The following RASAL1 variants were observed in gnomAD, a reference collection of about 807,000 sequenced individuals.
RASAL1 encodes the protein rasGAP-activating-like protein 1.
RASAL1 carries 72 observed loss-of-function variants against 96.6 expected under a neutral mutation model. That is an observed-to-expected ratio of 0.75 (90% CI 0.62 to 0.91). The LOEUF is 0.91. Among genes scored for constraint, RASAL1 ranks in the 40% least tolerant of loss-of-function variants. RASAL1 has a pLI of 0.00. For synonymous variants in RASAL1, 405 were observed against 430.4 expected, an observed-to-expected ratio of 0.94 and a Z score of 0.73; for missense variants, 1,016 against 1,072.5, an observed-to-expected ratio of 0.95 and a Z score of 0.74.
rs1951024854 is a variant in RASAL1, at chr12:113,115,064, CG to C, written c.1068+135del. ...ATCCAGGTGCAACTCAGGGCAAGGC[CG>C]GGCACCAGCCGCCAGCACTGCAGCT... On this transcript the variant is annotated intron_variant, in intron 11 of 20. Coordinates refer to ENST00000548055, the MANE Select transcript of RASAL1 (RefSeq NM_001301202.2). The surrounding 1 kb of genome is among the most constrained non-coding windows in gnomAD (Gnocchi z 4.1). 1.8e-6 allele frequency: 2 copies of C among 1,137,326 alleles called. No individual in the cohort carries two copies. Among genetic ancestry groups the C allele is most frequent in the Non-Finnish European group, 2.6e-6 (2 of 758,426 alleles). 70.5% of individuals were successfully genotyped at this position (1,137,326 alleles called of 1,614,324 possible). A position where few individuals can be genotyped will look rare whatever the true frequency, so the allele number is the denominator to read the frequency against.
chr12:113,113,995 G>T (rs1950966521), intron 12 of RASAL1, among the ~76,000 whole-genome samples: 1 of 152,180 alleles, frequency 6.6e-6, no homozygotes. Context: ...AGCCCCAGCA[G>T]CACAGTAATA....
Position 113,121,460 on chromosome 12 carries a change from C to G in RASAL1, c.428+49G>C, listed in dbSNP as rs1164421453. ...GGCAGCAGGGGAGACCCAGGGGACTCCTGCTCATTCTCAGACCACCCTCCA... is the reference window on the plus strand; with the variant it reads ...GGCAGCAGGGGAGACCCAGGGGACTGCTGCTCATTCTCAGACCACCCTCCA... On this transcript the variant is annotated intron_variant, in intron 5 of 20. Transcript: ENST00000548055. 1.9e-6 allele frequency: 3 copies of G among 1,609,488 alleles called. No homozygotes were observed. In the Admixed American group the frequency reaches 5.0e-5, roughly 27 times the overall value.
At chr12:113,114,759 A>C (rs2136175393) in intron 12 of RASAL1, 41 bp downstream of exon 12, 1 of 1,555,994 alleles carries the variant, frequency 6.4e-7, no homozygotes, top group African/African-American at 1.4e-5. Context: ...GGGTAGCCAA[A>C]GGGGCCCGTC....
At chr12:113,113,338 G>A (rs1333166913) in intron 12 of RASAL1, among the ~76,000 whole-genome samples, 9 of 152,272 alleles carry the variant, frequency 5.9e-5, no homozygotes, top group African/African-American at 1.9e-4. Flanking sequence ...AGAAAACTGA[G>A]GCTCAGAGAG....
intron 8 of RASAL1, among the ~76,000 whole-genome samples, chr12:113,116,864 T>A (rs1951106147): frequency 6.6e-6 from 1 of 152,212 alleles, no homozygotes. Context: ...ACCAACATGT[T>A]TGCACATGAA....
chr12:113,130,829 C>T lies in RASAL1; in HGVS notation c.122+56G>A, dbSNP rs1951677119. 2 of 1,436,626 alleles carry T rather than the reference C, an allele frequency of 1.4e-6. No individual in the cohort carries two copies. Among genetic ancestry groups the T allele is most frequent in the Admixed American group, 3.7e-5 (2 of 54,404 alleles). 89.0% of individuals were successfully genotyped at this position (1,436,626 alleles called of 1,614,324 possible). On this transcript the variant is annotated intron_variant, in intron 2 of 20. Transcript: ENST00000548055. This position sits in a 1 kb window ranked among gnomAD's most constrained non-coding sequence, Gnocchi z 5.1. The stretch of plus-strand genomic sequence containing the variant: ...TGTGAATTCTTGGTCCCAGATTCCC[C>T]AGGTCTAGAAAGAGACCCCTCCCTT...
chr12:113,101,881 G>T lies in RASAL1; in HGVS notation c.2225+8C>A, dbSNP rs761884040. On this transcript the variant is annotated splice_region_variant and intron_variant, in intron 19 of 20. Coordinates refer to ENST00000548055, the MANE Select transcript of RASAL1 (RefSeq NM_001301202.2). ...AGGAGGTGAAGTGGGATGGGTGGGG[G>T]CACCCACCTGAGCTGGTCCCGCCCC... 6 of 1,611,446 alleles carry T rather than the reference G, an allele frequency of 3.7e-6. No homozygotes were observed. In the South Asian group the frequency reaches 6.6e-5, roughly 18 times the overall value.
Position 113,101,902 on chromosome 12 carries a change from G to A in RASAL1, c.2212C>T (p.Arg738Trp), listed in dbSNP as rs751341735. 91 of 1,613,566 alleles carry A rather than the reference G, an allele frequency of 5.6e-5. No homozygotes were observed. The highest frequency in any genetic ancestry group is 5.0e-4 in the Middle Eastern group (3 of 6,018). Residue 738 changes from arginine to tryptophan, a missense_variant, in exon 19 of 21, where the codon CGG becomes TGG. Coordinates refer to ENST00000548055, the MANE Select transcript of RASAL1 (RefSeq NM_001301202.2). ...QTVYRQLLLG[R>W]DQLRLKLLED... ...GGGGGCACCCACCTGAGCTGGTCCC[G>A]CCCCAGGAGCAGCTGCCGATACACT...
intron 4 of RASAL1, among the ~76,000 whole-genome samples, chr12:113,124,247 CA>C (rs1422850964): frequency 6.8e-6 from 1 of 147,676 alleles, no homozygotes; most frequent in African/African-American, 2.5e-5. Context: ...AAAGTTACCA[CA>C]AGTCCAACAA....
chr12:113,124,397 C>T (rs1029887893), intron 4 of RASAL1, among the ~76,000 whole-genome samples: 10 of 152,164 alleles, frequency 6.6e-5, no homozygotes, highest in African/African-American at 1.4e-4. Context: ...TCCACATTTC[C>T]GCCACATGCT....
chr12:113,112,283 AG>A lies in RASAL1; in HGVS notation c.1182-6del. The stretch of plus-strand genomic sequence containing the variant: ...GCGCCTTTGAAGGAGATCCTCCTGG[AG>A]GGGCCGGCGGAGCAGCTCAGCCTCG... On this transcript the variant is annotated splice_region_variant and splice_polypyrimidine_tract_variant and intron_variant, in intron 12 of 20. Coordinates refer to ENST00000548055, the MANE Select transcript of RASAL1 (RefSeq NM_001301202.2). The A allele has an allele frequency of 8.0e-7, 1 of 1,255,626 alleles. No homozygotes were observed. The highest frequency in any genetic ancestry group is 1.0e-6 in the Non-Finnish European group (1 of 991,800). The allele number at this position is 1,255,626 out of a possible 1,614,324, so 77.8% of individuals were successfully genotyped here.
chr12:113,133,956 A>C (rs1043964184), intron 1 of RASAL1, among the ~76,000 whole-genome samples: 7 of 152,210 alleles, frequency 4.6e-5, no homozygotes, highest in African/African-American at 1.7e-4. Flanking sequence ...GGTGACACCC[A>C]TCGCCCCCTC....
intron 4 of RASAL1, among the ~76,000 whole-genome samples, chr12:113,125,423 T>TG (rs1335890859): frequency 6.6e-6 from 1 of 151,848 alleles, no homozygotes; most frequent in Non-Finnish European, 1.5e-5. Context: ...AACAACCTAG[T>TG]GGGGGGAAAT....
intron 13 of RASAL1, among the ~76,000 whole-genome samples, chr12:113,108,482 GC>G (rs2136132658): frequency 6.6e-6 from 1 of 152,288 alleles, no homozygotes; most frequent in South Asian, 2.1e-4. Flanking sequence ...CAAGCACTAT[GC>G]CAAGAGCACA....
rs1212883949 is a variant in RASAL1, at chr12:113,100,076, G to A, written c.2279-8C>T. On this transcript the variant is annotated splice_region_variant and splice_polypyrimidine_tract_variant and intron_variant, in intron 20 of 20. Coordinates refer to ENST00000548055, the MANE Select transcript of RASAL1 (RefSeq NM_001301202.2). ...GGACCTCAGGACAGGCCCCTAGGAG[G>A]GAGACAAGAGGCCACAGGGGCTCAG... The A allele has an allele frequency of 2.5e-6, 4 of 1,593,242 alleles. No individual in the cohort carries two copies. Among genetic ancestry groups the A allele is most frequent in the Admixed American group, 1.8e-5 (1 of 57,086 alleles).
intron 4 of RASAL1, among the ~76,000 whole-genome samples, chr12:113,122,192 T>C (rs1486759934): frequency 6.6e-6 from 1 of 152,246 alleles, no homozygotes; most frequent in Non-Finnish European, 1.5e-5. Context: ...TAGTTAGTTC[T>C]AGGGCCAATG....
rs561393560 is a variant in RASAL1 at position 113,112,716 on chromosome 12, C to G, written c.1182-438G>C. On this transcript the variant is annotated intron_variant, in intron 12 of 20. Coordinates refer to ENST00000548055, the MANE Select transcript of RASAL1 (RefSeq NM_001301202.2). ...CCTGTAATCCCAGCACTCTGGGAGG[C>G]CGAGGGGGCAGGTCACTTGAGACCA... Among the ~76,000 whole-genome samples, 253 of 152,232 alleles carry G rather than the reference C, an allele frequency of 1.7e-3. 1 individual carries two copies. The highest frequency in any genetic ancestry group is 2.9e-3 in the Non-Finnish European group (194 of 68,028).
In RASAL1 at chr12:113,130,611, C is replaced by T. The variant is rs769634529; in HGVS notation, c.122+274G>A. ...CCAGTCCAGCCAAGCGTGAGATGCC[C>T]GCCCCCAGGGAGGCCACTGTAGGAG... On this transcript the variant is annotated intron_variant, in intron 2 of 20. Transcript: ENST00000548055. This position sits in a 1 kb window ranked among gnomAD's most constrained non-coding sequence, Gnocchi z 5.1. 1.3e-4 allele frequency among the ~76,000 whole-genome samples: 20 copies of T among 152,170 alleles called. No individual in the cohort carries two copies. The highest frequency in any genetic ancestry group is 1.5e-4 in the Non-Finnish European group (10 of 68,032).
intron 12 of RASAL1, among the ~76,000 whole-genome samples, chr12:113,114,469 G>A (rs1416043613): frequency 1.1e-5 from 1 of 90,818 alleles, no homozygotes; most frequent in African/African-American, 4.8e-5. Flanking sequence ...GTAAAACCTT[G>A]TCTCAAAAAA....
Sources: allele counts gnomAD v4.1 joint callset (sites outside exome capture counted in the v4.1 genomes callset), GRCh38; gene constraint gnomAD v4.1.1; non-coding constraint Gnocchi (gnomAD v3.1); transcripts MANE v1.5; gene names NCBI Gene and HGNC (gene_info 2026-07-23, HGNC 2026-07-21).